PSKH1: variants seen among roughly 807,000 people sequenced by gnomAD.
The protein encoded by PSKH1 is serine/threonine-protein kinase H1.
A neutral mutation model predicts 26.7 loss-of-function variants in PSKH1; 12 were observed. The ratio of observed to expected loss-of-function variants is 0.45; its 90% CI spans 0.29 to 0.73. The LOEUF (loss-of-function observed/expected upper bound fraction) is 0.73. Ranked by LOEUF, PSKH1 falls within the 30% of genes least tolerant of loss-of-function variation. The probability of loss-of-function intolerance (pLI) is 0.11; values close to 1 mark genes in which losing one functional copy is unlikely to be tolerated. For missense variants in PSKH1, 431 were observed against 595.2 expected, an observed-to-expected ratio of 0.72 and a Z score of 2.87; for synonymous variants, 213 against 234.3, an observed-to-expected ratio of 0.91 and a Z score of 0.83.
Position 67,927,921 on chromosome 16 carries a change from G to A in PSKH1, c.*279G>A, listed in dbSNP as rs1426190955. 3 of 514,044 alleles carry A rather than the reference G, an allele frequency of 5.8e-6. No homozygotes were observed. The allele number at this position is 514,044 out of a possible 1,614,324, so 31.8% of individuals were successfully genotyped here. A position where few individuals can be genotyped will look rare whatever the true frequency, so the allele number is the denominator to read the frequency against. ...CCTCTTGGTGGGCAGCTGCTCTGGT[G>A]GAGTTGGGAAGGGATAGGACCTGGC... On this transcript the variant is annotated 3_prime_UTR_variant, in exon 3 of 3. Transcript: ENST00000291041. The surrounding 1 kb of genome is among the most constrained non-coding windows in gnomAD (Gnocchi z 5.5).
At position 67,904,582 on chromosome 16, in the gene PSKH1, C is replaced by T. The variant is rs190740480; in HGVS notation, c.-70-4098C>T. ...CTCAAACTCCCTACCTCAGGTGATT[C>T]GCCTGCCTCAGCCTCCCAAAGTGCT... On this transcript the variant is annotated intron_variant, in intron 1 of 2. Transcript: ENST00000291041. 2.0e-3 allele frequency among the ~76,000 whole-genome samples: 304 copies of T among 152,074 alleles called. 3 individuals carry two copies. Among genetic ancestry groups the T allele is most frequent in the African/African-American group, 7.0e-3 (291 of 41,454 alleles).
intron 1 of PSKH1, among the ~76,000 whole-genome samples, chr16:67,907,264 ACT>A (rs912322580): frequency 7.4e-6 from 1 of 134,854 alleles, no homozygotes; most frequent in African/African-American, 2.8e-5. Flanking sequence ...CGCCTGGCCA[ACT>A]CTTTTTTTTT....
intron 2 of PSKH1, among the ~76,000 whole-genome samples, chr16:67,915,097 G>A (rs992905586): frequency 2.6e-5 from 4 of 152,142 alleles, no homozygotes; most frequent in East Asian, 1.9e-4. Flanking sequence ...TACTGTAGCC[G>A]AAAGACTGGG....
rs1162818601 is a variant in PSKH1, at chr16:67,908,716, C to T, written c.-34C>T. 6.5e-6 allele frequency: 10 copies of T among 1,544,612 alleles called. No homozygotes were observed. Among genetic ancestry groups the T allele is most frequent in the South Asian group, 1.2e-5 (1 of 81,190 alleles). On this transcript the variant is annotated 5_prime_UTR_variant, in exon 2 of 3. Coordinates refer to ENST00000291041, the MANE Select transcript of PSKH1 (RefSeq NM_006742.3). ...GCACTGCCTTCAGAGCAGGTCCTGC[C>T]AGCCTCGCTGGAGAGGATGCCCTCG... is the stretch of plus-strand genomic sequence containing the variant.
chr16:67,914,572 A>G (rs554361760), intron 2 of PSKH1, among the ~76,000 whole-genome samples: 1 of 151,516 alleles, frequency 6.6e-6, no homozygotes, highest in Non-Finnish European at 1.5e-5. Flanking sequence ...CTCCTGCCTC[A>G]GCCTCCCGAG....
At chr16:67,907,913 C>T (rs1320540537) in intron 1 of PSKH1, among the ~76,000 whole-genome samples, 3 of 152,260 alleles carry the variant, frequency 2.0e-5, no homozygotes, top group Admixed American at 1.3e-4. Flanking sequence ...GCTTTCTGAG[C>T]CCTGGTGGGT....
At chr16:67,896,736 A>T (rs1294217354) in intron 1 of PSKH1, among the ~76,000 whole-genome samples, 1 of 151,940 alleles carries the variant, frequency 6.6e-6, no homozygotes, top group African/African-American at 2.4e-5. Context: ...TGGAATGCTG[A>T]TTCACTAGAG....
At chr16:67,899,575 T>G (rs1192332135) in intron 1 of PSKH1, among the ~76,000 whole-genome samples, 1 of 152,124 alleles carries the variant, frequency 6.6e-6, no homozygotes, top group Non-Finnish European at 1.5e-5. Context: ...GTCCTCGTGA[T>G]CGGCCCGCCT....
chr16:67,925,871 A>G (rs1005801459), intron 2 of PSKH1, among the ~76,000 whole-genome samples: 3 of 152,110 alleles, frequency 2.0e-5, no homozygotes, highest in Admixed American at 6.5e-5. Flanking sequence ...CCTCTGTGGC[A>G]GTGGGGAAGG....
chr16:67,912,648 C>T (rs2058176382), intron 2 of PSKH1, among the ~76,000 whole-genome samples: 1 of 152,162 alleles, frequency 6.6e-6, no homozygotes, highest in Non-Finnish European at 1.5e-5. Flanking sequence ...GTGGGCAGAT[C>T]ACCTGAGGTT....
intron 2 of PSKH1, among the ~76,000 whole-genome samples, chr16:67,924,382 C>T (rs913791558): frequency 1.3e-5 from 2 of 152,190 alleles, no homozygotes; most frequent in Admixed American, 1.3e-4. Context: ...ACAGGCCGGC[C>T]GCTCCATGAG....
intron 2 of PSKH1, among the ~76,000 whole-genome samples, chr16:67,910,523 C>T (rs1263549859): frequency 6.6e-6 from 1 of 152,184 alleles, no homozygotes; most frequent in African/African-American, 2.4e-5. Context: ...GAGTCTTGCT[C>T]TGTTGCCCAG....
At chr16:67,901,753 C>T (rs1267507981) in intron 1 of PSKH1, among the ~76,000 whole-genome samples, 3 of 151,728 alleles carry the variant, frequency 2.0e-5, no homozygotes, top group Non-Finnish European at 4.4e-5. Flanking sequence ...TCCACCTCAG[C>T]TTCCTGAGTA....
At chr16:67,898,625 CTTT>C (rs141319654) in intron 1 of PSKH1, among the ~76,000 whole-genome samples, 7 of 139,038 alleles carry the variant, frequency 5.0e-5, no homozygotes, top group East Asian at 2.1e-4. Flanking sequence ...TTCTTTCTTT[CTTT>C]TTTTTTTTTT....
In PSKH1 at chr16:67,928,187, T is replaced by C. The variant is rs1425942753; in HGVS notation, c.*545T>C. On this transcript the variant is annotated 3_prime_UTR_variant, in exon 3 of 3. Transcript: ENST00000291041. This position sits in a 1 kb window ranked among gnomAD's most constrained non-coding sequence, Gnocchi z 4.8. ...CTTGACTGGACCCGTAGCCCCTGGC[T>C]AGGTCGAAACAGCCCTCCACCTCCC... 1 of 153,170 alleles carries C rather than the reference T, an allele frequency of 6.5e-6. No individual in the cohort carries two copies. The highest frequency in any genetic ancestry group is 1.5e-5 in the Non-Finnish European group (1 of 68,714). 9.5% of individuals were successfully genotyped at this position (153,170 alleles called of 1,614,324 possible).
chr16:67,927,262 C>T lies in PSKH1; in HGVS notation c.958-63C>T. ...AAGGGGAGGGTTGCTGAGTAGTGGC[C>T]TCATCCAGATGGGGTGGGCAGTGTC... is the stretch of plus-strand genomic sequence containing the variant. On this transcript the variant is annotated intron_variant, in intron 2 of 2. Transcript: ENST00000291041. This position sits in a 1 kb window ranked among gnomAD's most constrained non-coding sequence, Gnocchi z 5.5. The T allele has an allele frequency of 6.7e-7, 1 of 1,497,606 alleles. No individual in the cohort carries two copies. The highest frequency in any genetic ancestry group is 9.1e-7 in the Non-Finnish European group (1 of 1,101,978). 92.8% of individuals were successfully genotyped at this position (1,497,606 alleles called of 1,614,324 possible). A position where few individuals can be genotyped will look rare whatever the true frequency, so the allele number is the denominator to read the frequency against.
chr16:67,926,524 C>T (rs962531069), intron 2 of PSKH1, among the ~76,000 whole-genome samples: 2 of 152,228 alleles, frequency 1.3e-5, no homozygotes, highest in Admixed American at 1.3e-4. Flanking sequence ...CAGGTGAAGA[C>T]AGCCGTACAA....
At chr16:67,895,408 G>GT (rs1354959504) in intron 1 of PSKH1, among the ~76,000 whole-genome samples, 1 of 144,576 alleles carries the variant, frequency 6.9e-6, no homozygotes, top group East Asian at 2.0e-4. Flanking sequence ...GTAGGAATCT[G>GT]TATTTTTTTT....
chr16:67,912,572 A>G (rs1204512810), intron 2 of PSKH1, among the ~76,000 whole-genome samples: 1 of 152,196 alleles, frequency 6.6e-6, no homozygotes, highest in African/African-American at 2.4e-5. Flanking sequence ...AACTGGCAAT[A>G]AGAAATCCTC....
Sources: gnomAD v4.1 joint callset for allele counts (sites outside exome capture counted in the v4.1 genomes callset) on GRCh38, gnomAD v4.1.1 for gene constraint, Gnocchi (gnomAD v3.1) non-coding constraint, MANE v1.5 for transcripts, NCBI Gene and HGNC (gene_info 2026-07-23, HGNC 2026-07-21) for gene names.